SRGAP3: variants seen among roughly 807,000 people sequenced by gnomAD.
SRGAP3 encodes SLIT-ROBO Rho GTPase activating protein 3, also known as SLIT-ROBO Rho GTPase-activating protein 3.
Under a neutral mutation model 121.1 loss-of-function variants are expected in SRGAP3, and 39 were observed. That is an observed-to-expected ratio of 0.32 (90% confidence interval 0.25 to 0.42). The LOEUF (loss-of-function observed/expected upper bound fraction) is 0.42. Ranked by LOEUF, SRGAP3 falls within the 10% of genes least tolerant of loss-of-function variation. The probability of loss-of-function intolerance (pLI) is 1.00; values close to 1 mark genes in which losing one functional copy is unlikely to be tolerated. For synonymous variants in SRGAP3, 601 were observed against 570.0 expected, an observed-to-expected ratio of 1.05 and a Z score of -0.77; for missense variants, 1,213 against 1,470.6, an observed-to-expected ratio of 0.82 and a Z score of 2.86.
At chr3:9,269,234 G>C (rs2600160) in intron 3 of SRGAP3, among the ~76,000 whole-genome samples, 97,939 of 152,026 alleles carry the variant, frequency 0.64, 32,814 homozygotes, top group Non-Finnish European at 0.74. Flanking sequence ...AATGTCATCT[G>C]AAAACAAGAA....
At chr3:9,206,740 C>T (rs1952279347) in intron 1 of SRGAP3, among the ~76,000 whole-genome samples, 1 of 152,152 alleles carries the variant, frequency 6.6e-6, no homozygotes, top group Admixed American at 6.5e-5. Flanking sequence ...CTCCTTTGTC[C>T]CCTCTCCCTA....
intron 1 of SRGAP3, 88 bp from the exon 2 acceptor site, chr3:9,125,005 T>G (rs934023337): frequency 1.3e-6 from 2 of 1,487,010 alleles, no homozygotes; most frequent in African/African-American, 1.4e-5. Flanking sequence ...GGCCCTGCAA[T>G]TCAGGCAGCT....
At chr3:9,099,645 T>G (rs1948129289) in intron 3 of SRGAP3, among the ~76,000 whole-genome samples, 1 of 152,222 alleles carries the variant, frequency 6.6e-6, no homozygotes, top group African/African-American at 2.4e-5. Context: ...ATGAGGAGGT[T>G]GGACTAGGAG....
intron 1 of SRGAP3, among the ~76,000 whole-genome samples, chr3:9,361,369 G>A (rs545354576): frequency 9.2e-5 from 14 of 152,254 alleles, no homozygotes; most frequent in African/African-American, 1.2e-4. Context: ...CTCCCAAAGC[G>A]CTGGGACTAC....
intron 1 of SRGAP3, among the ~76,000 whole-genome samples, chr3:9,360,633 T>A (rs569496568): frequency 4.6e-5 from 7 of 152,178 alleles, no homozygotes; most frequent in African/African-American, 1.4e-4. Flanking sequence ...TGGTGGAAGG[T>A]GAAAGGCACT....
chr3:9,066,359 C>T (rs1198088618), intron 4 of SRGAP3, among the ~76,000 whole-genome samples: 6 of 152,176 alleles, frequency 3.9e-5, no homozygotes, highest in Non-Finnish European at 7.4e-5. Flanking sequence ...CAAGGCTTCC[C>T]CCAGGAATGA....
intron 1 of SRGAP3, among the ~76,000 whole-genome samples, chr3:9,358,999 A>G (rs142648858): frequency 2.0e-5 from 3 of 152,336 alleles, no homozygotes; most frequent in Admixed American, 6.5e-5. Flanking sequence ...CAATATCCCA[A>G]TGGGGTTCAG....
intron 18 of SRGAP3, among the ~76,000 whole-genome samples, chr3:9,005,669 A>G (rs1943027756): frequency 6.6e-6 from 1 of 152,236 alleles, no homozygotes; most frequent in African/African-American, 2.4e-5. Context: ...GCCACATGTT[A>G]TATAATTCCA....
In SRGAP3 at chr3:9,109,775, G is replaced by A. The variant is rs1052560797; in HGVS notation, c.261-4933C>T. On this transcript the variant is annotated intron_variant, in intron 2 of 21. Transcript: ENST00000383836. The surrounding 1 kb of genome is among the most constrained non-coding windows in gnomAD (Gnocchi z 4.4). ...TCCTGGAGGAAACGCTTTCTAGACTGAGAACTAAAAGCCGGACTGGAGTTT... is the reference window on the plus strand; with the variant it reads ...TCCTGGAGGAAACGCTTTCTAGACTAAGAACTAAAAGCCGGACTGGAGTTT... 2.0e-5 allele frequency among the ~76,000 whole-genome samples: 3 copies of A among 152,176 alleles called. No individual in the cohort carries two copies. Among genetic ancestry groups the A allele is most frequent in the Non-Finnish European group, 4.4e-5 (3 of 68,026 alleles).
Position 9,012,235 on chromosome 3 carries a change from G to A in SRGAP3, c.2147+1073C>T, listed in dbSNP as rs566241710. ...TGCCCAAATATGCTCACAGTACTAA[G>A]GCAATTCAAAAGTCCAGGAATGCTT... On this transcript the variant is annotated intron_variant, in intron 17 of 21. Coordinates refer to ENST00000383836, the MANE Select transcript of SRGAP3 (RefSeq NM_014850.4). Among the ~76,000 whole-genome samples, 70 of 152,274 alleles carry A rather than the reference G, an allele frequency of 4.6e-4. 2 individuals carry two copies. The South Asian group carries it at 5.2e-3, about 11-fold the overall frequency.
At chr3:9,144,574 G>T (rs769808554) in intron 1 of SRGAP3, among the ~76,000 whole-genome samples, 6 of 152,228 alleles carry the variant, frequency 3.9e-5, no homozygotes, top group Non-Finnish European at 7.3e-5. Flanking sequence ...TTCCCATGCT[G>T]TTCTCGTAAT....
intron 3 of SRGAP3, among the ~76,000 whole-genome samples, chr3:9,314,345 T>C (rs967605617): frequency 2.6e-5 from 4 of 151,314 alleles, no homozygotes; most frequent in Non-Finnish European, 5.9e-5. Context: ...CACTTGAGCC[T>C]GGGAGTTCGA....
upstream of SRGAP3, among the ~76,000 whole-genome samples, chr3:9,253,581 G>A (rs1028923004): frequency 2.0e-5 from 3 of 152,052 alleles, no homozygotes; most frequent in Non-Finnish European, 4.4e-5. Flanking sequence ...CCTCCCCCTC[G>A]CCGAGATGAC....
At chr3:9,133,366 C>A (rs1181469833) in intron 1 of SRGAP3, among the ~76,000 whole-genome samples, 1 of 152,000 alleles carries the variant, frequency 6.6e-6, no homozygotes, top group Non-Finnish European at 1.5e-5. Flanking sequence ...CACCTGTAAT[C>A]CCAGCTAACT....
At chr3:9,014,253 G>A (rs1943523163) in intron 15 of SRGAP3, 1 of 288,410 alleles carries the variant, frequency 3.5e-6, no homozygotes, top group African/African-American at 2.1e-5. Context: ...CTGGACCTAA[G>A]TTTTCCAGGT....
intron 3 of SRGAP3, among the ~76,000 whole-genome samples, chr3:9,273,648 C>CA (rs1954521738): frequency 6.6e-6 from 1 of 152,146 alleles, no homozygotes; most frequent in Admixed American, 6.5e-5. Context: ...GTGTCATAGC[C>CA]AAGAAATCAC....
In SRGAP3 at chr3:8,985,807, G is replaced by A. The variant is rs772708513; in HGVS notation, c.3012C>T (p.Pro1004=). The A allele has an allele frequency of 3.7e-6, 6 of 1,600,272 alleles. No homozygotes were observed. The highest frequency in any genetic ancestry group is 1.3e-5 in the African/African-American group (1 of 74,892). ...TLEPLKNPPG[P]VSSEPASPLH... is the part of the protein sequence containing the mutation. ...GGGGACTGGCGGGCTCCGAGCTGAC[G>A]GGGCCTGGCGGGTTCTTCAGGGGCT... The change falls in exon 22 of 22, where the codon CCC becomes CCT. Residue 1004 remains proline, a synonymous_variant. Transcript: ENST00000383836. The surrounding 1 kb of genome is among the most constrained non-coding windows in gnomAD (Gnocchi z 5.1).
intron 1 of SRGAP3, among the ~76,000 whole-genome samples, chr3:9,190,407 T>C (rs1342203115): frequency 6.6e-6 from 1 of 152,126 alleles, no homozygotes; most frequent in African/African-American, 2.4e-5. Flanking sequence ...AACAGATAGG[T>C]TTCGCCATGG....
Position 9,064,314 on chromosome 3 carries a change from A to G in SRGAP3, c.672+82T>C, listed in dbSNP as rs1946317663. On this transcript the variant is annotated intron_variant, in intron 5 of 21. Coordinates refer to ENST00000383836, the MANE Select transcript of SRGAP3 (RefSeq NM_014850.4). ...CTGGGATGCAGGGGAATAAGGGGGA[A>G]GGCTAAGGCTGTCCGCCAAGACCAT... 3.2e-6 allele frequency: 5 copies of G among 1,581,696 alleles called. No homozygotes were observed. The Admixed American group carries it at 8.5e-5, about 27-fold the overall frequency.
Sources: gnomAD v4.1 joint callset for allele counts (sites outside exome capture counted in the v4.1 genomes callset) on GRCh38, gnomAD v4.1.1 for gene constraint, Gnocchi (gnomAD v3.1) non-coding constraint, MANE v1.5 for transcripts, NCBI Gene and HGNC (gene_info 2026-07-23, HGNC 2026-07-21) for gene names.